Variants in ANKS1A observed in about 807,000 individuals in gnomAD.
The protein encoded by ANKS1A is ankyrin repeat and SAM domain-containing protein 1A.
Under a neutral mutation model 120.3 loss-of-function variants are expected in ANKS1A, and 55 were observed. The observed-to-expected ratio is 0.46, with a 90% CI of 0.37 to 0.57. The LOEUF (loss-of-function observed/expected upper bound fraction) is 0.57, where lower values mean the gene tolerates loss of function less well. Among genes scored for constraint, ANKS1A ranks in the 20% least tolerant of loss-of-function variants. The pLI, the probability that ANKS1A is intolerant of heterozygous loss-of-function variation, is 0.00. For missense variants in ANKS1A, 1,123 were observed against 1,480.3 expected, an observed-to-expected ratio of 0.76 and a Z score of 3.96; for synonymous variants, 590 against 604.7, an observed-to-expected ratio of 0.98 and a Z score of 0.36.
intron 1 of ANKS1A, among the ~76,000 whole-genome samples, chr6:34,899,974 G>A (rs1311565817): frequency 6.6e-6 from 1 of 152,262 alleles, no homozygotes; most frequent in African/African-American, 2.4e-5. Context: ...GCTACTGACA[G>A]TATTGTGGGT....
chr6:35,031,729 C>CT (rs1362411608), intron 11 of ANKS1A, among the ~76,000 whole-genome samples: 1 of 152,192 alleles, frequency 6.6e-6, no homozygotes, highest in Non-Finnish European at 1.5e-5. Flanking sequence ...CCTCCCTTGA[C>CT]TAAAAACATC....
rs1176993950 is a variant in ANKS1A at position 35,085,713 on chromosome 6, G to A, written c.3133-53G>A. The A allele has an allele frequency of 6.5e-7, 1 of 1,529,110 alleles. No individual in the cohort carries two copies. Among genetic ancestry groups the A allele is most frequent in the Non-Finnish European group, 8.8e-7 (1 of 1,137,394 alleles). The allele number at this position is 1,529,110 out of a possible 1,614,324, so 94.7% of individuals were successfully genotyped here. A position where few individuals can be genotyped will look rare whatever the true frequency, so the allele number is the denominator to read the frequency against. ...GTCCCTGCGAGGAAGGGCATATCCA[G>A]TGTGAAGCGGCTCCTGAACCAGGTG... On this transcript the variant is annotated intron_variant, in intron 21 of 23. Transcript: ENST00000360359. The surrounding 1 kb of genome is among the most constrained non-coding windows in gnomAD (Gnocchi z 4.7).
intron 1 of ANKS1A, among the ~76,000 whole-genome samples, chr6:34,903,997 T>C (rs1036904204): frequency 1.3e-4 from 20 of 152,180 alleles, no homozygotes; most frequent in Non-Finnish European, 1.0e-4. Flanking sequence ...TCTGATGGAT[T>C]GAATCAGCTG....
intron 11 of ANKS1A, among the ~76,000 whole-genome samples, chr6:35,021,465 T>G (rs1378411399): frequency 6.6e-6 from 1 of 152,208 alleles, no homozygotes; most frequent in Non-Finnish European, 1.5e-5. Flanking sequence ...TCCACCTCGG[T>G]GCATGGACTA....
chr6:34,931,567 A>G (rs998074309), intron 1 of ANKS1A, among the ~76,000 whole-genome samples: 1 of 152,144 alleles, frequency 6.6e-6, no homozygotes, highest in African/African-American at 2.4e-5. Flanking sequence ...TTTACTCTCT[A>G]CAAATGGCAT....
intron 1 of ANKS1A, among the ~76,000 whole-genome samples, chr6:34,906,399 G>C (rs997833647): frequency 2.0e-5 from 3 of 152,198 alleles, no homozygotes; most frequent in Non-Finnish European, 2.9e-5. Context: ...CTCTCTGCTC[G>C]TGAAACTTTC....
chr6:34,891,977 C>T (rs905303679), intron 1 of ANKS1A, among the ~76,000 whole-genome samples: 5 of 152,196 alleles, frequency 3.3e-5, no homozygotes, highest in Non-Finnish European at 7.3e-5. Context: ...TGAAATTCTG[C>T]TGAGGATTTA....
Position 35,088,971 on chromosome 6 carries a change from T to C in ANKS1A, c.*362T>C. The stretch of plus-strand genomic sequence containing the variant: ...CTGCCAATCTTTAGACAAATGGCCA[T>C]GGGGCAGAGGACAGGGGAGCTGAGG... On this transcript the variant is annotated 3_prime_UTR_variant, in exon 24 of 24. Coordinates refer to ENST00000360359, the MANE Select transcript of ANKS1A (RefSeq NM_015245.3). 1 of 1,219,608 alleles carries C rather than the reference T, an allele frequency of 8.2e-7. No individual in the cohort carries two copies. Among genetic ancestry groups the C allele is most frequent in the Non-Finnish European group, 1.0e-6 (1 of 965,932 alleles). The allele number at this position is 1,219,608 out of a possible 1,614,324, so 75.5% of individuals were successfully genotyped here.
intron 11 of ANKS1A, among the ~76,000 whole-genome samples, chr6:35,032,550 G>T (rs990674280): frequency 3.9e-5 from 6 of 152,196 alleles, no homozygotes; most frequent in African/African-American, 1.4e-4. Context: ...TTGATTAAGG[G>T]CCTCAGAAAG....
chr6:34,935,017 T>C (rs1223062542), intron 1 of ANKS1A, among the ~76,000 whole-genome samples: 1 of 152,264 alleles, frequency 6.6e-6, no homozygotes, highest in East Asian at 1.9e-4. Context: ...AAAATCATTT[T>C]GAGTTTTGTC....
intron 16 of ANKS1A, 88 bp downstream of exon 16, chr6:35,080,016 C>A: frequency 7.0e-7 from 1 of 1,428,668 alleles, no homozygotes; most frequent in Non-Finnish European, 9.6e-7. Flanking sequence ...CTTCAGAGAC[C>A]ACTGTAGTGT....
chr6:35,042,770 G>A (rs6915884), intron 11 of ANKS1A, among the ~76,000 whole-genome samples: 1,563 of 152,334 alleles, frequency 0.01, 20 homozygotes, highest in African/African-American at 0.033. Flanking sequence ...CTGCGAAGCA[G>A]GCATTAGCAT....
At chr6:34,972,728 C>T (rs1332021896) in intron 3 of ANKS1A, 1 of 660,386 alleles carries the variant, frequency 1.5e-6, no homozygotes, top group African/African-American at 2.0e-5. Context: ...TACTCTTGTC[C>T]ACTCAGGGTC....
intron 1 of ANKS1A, among the ~76,000 whole-genome samples, chr6:34,946,595 A>G (rs1769809996): frequency 6.6e-6 from 1 of 151,900 alleles, no homozygotes; most frequent in Non-Finnish European, 1.5e-5. Context: ...CTTGAAAAAA[A>G]AAAAAGGGGG....
intron 1 of ANKS1A, among the ~76,000 whole-genome samples, chr6:34,903,549 G>A (rs1767475867): frequency 6.6e-6 from 1 of 151,660 alleles, no homozygotes; most frequent in Admixed American, 6.6e-5. Context: ...CCAGGCTGGA[G>A]TGCAGTGGTG....
chr6:35,062,771 G>C (rs1776577562), intron 13 of ANKS1A, among the ~76,000 whole-genome samples: 1 of 152,216 alleles, frequency 6.6e-6, no homozygotes, highest in Admixed American at 6.5e-5. Flanking sequence ...TCCCTTCCAA[G>C]TAGTCTCTGC....
chr6:34,934,463 A>G (rs893227301), intron 1 of ANKS1A, among the ~76,000 whole-genome samples: 6 of 152,198 alleles, frequency 3.9e-5, no homozygotes, highest in African/African-American at 1.4e-4. Flanking sequence ...CAGGTACTTT[A>G]TAACACTAGG....
intron 10 of ANKS1A, among the ~76,000 whole-genome samples, chr6:35,013,188 A>C (rs1304860188): frequency 6.6e-6 from 1 of 152,204 alleles, no homozygotes; most frequent in African/African-American, 2.4e-5. Flanking sequence ...TCTTCTGAGA[A>C]GCCTTCTGGT....
At chr6:35,032,342 C>A (rs2127570937) in intron 11 of ANKS1A, among the ~76,000 whole-genome samples, 1 of 152,284 alleles carries the variant, frequency 6.6e-6, no homozygotes, top group African/African-American at 2.4e-5. Flanking sequence ...AAACCTGCCC[C>A]CTTGCACTTT....
Sources: allele counts gnomAD v4.1 joint callset (sites outside exome capture counted in the v4.1 genomes callset), GRCh38; gene constraint gnomAD v4.1.1; non-coding constraint Gnocchi (gnomAD v3.1); transcripts MANE v1.5; gene names NCBI Gene and HGNC (gene_info 2026-07-23, HGNC 2026-07-21).